Variants in CNTN1 observed in about 807,000 individuals in gnomAD.
The protein encoded by CNTN1 is contactin-1.
CNTN1 carries 38 observed loss-of-function variants against 126.4 expected under a neutral mutation model. The ratio of observed to expected loss-of-function variants is 0.30; its 90% CI spans 0.23 to 0.39. The LOEUF is 0.39. Among genes scored for constraint, CNTN1 ranks in the 10% least tolerant of loss-of-function variants. CNTN1 has a pLI of 1.00. For synonymous variants in CNTN1, 413 were observed against 422.6 expected, an observed-to-expected ratio of 0.98 and a Z score of 0.28; for missense variants, 1,009 against 1,248.4, an observed-to-expected ratio of 0.81 and a Z score of 2.89.
intron 1 of CNTN1, among the ~76,000 whole-genome samples, chr12:40,727,461 T>C (rs941772964): frequency 6.7e-6 from 1 of 149,640 alleles, no homozygotes; most frequent in Non-Finnish European, 1.5e-5. Context: ...AAAAGAATGG[T>C]CCTGAATGAG....
chr12:40,774,171 T>A (rs1939485899), intron 1 of CNTN1, among the ~76,000 whole-genome samples: 1 of 151,528 alleles, frequency 6.6e-6, no homozygotes, highest in Non-Finnish European at 1.5e-5. Flanking sequence ...GACGAGTTGA[T>A]CAGGGAAGAG....
chr12:40,718,101 C>T (rs900232808), intron 1 of CNTN1, among the ~76,000 whole-genome samples: 1 of 152,132 alleles, frequency 6.6e-6, no homozygotes, highest in Non-Finnish European at 1.5e-5. Flanking sequence ...AAGTAATGTG[C>T]ATTCTCATTT....
At chr12:40,729,534 A>G (rs1174265081) in intron 1 of CNTN1, 2 of 224,658 alleles carry the variant, frequency 8.9e-6, no homozygotes, top group Admixed American at 4.2e-5. Flanking sequence ...CAAGCCATCA[A>G]TGCAGTGAAA....
At chr12:40,993,452 T>C (rs538656748) in intron 17 of CNTN1, among the ~76,000 whole-genome samples, 183 bp downstream of exon 17, 32 of 152,048 alleles carry the variant, frequency 2.1e-4, no homozygotes, top group Non-Finnish European at 3.8e-4. Context: ...TTTAAGAATA[T>C]TTTAAGACAG....
intron 16 of CNTN1, among the ~76,000 whole-genome samples, chr12:40,992,495 A>T (rs1240112494): frequency 6.6e-6 from 1 of 152,054 alleles, no homozygotes; most frequent in East Asian, 1.9e-4. Context: ...CAATTAAATA[A>T]GCAAGCTAAG....
rs114898050 is a variant in CNTN1 at position 40,759,907 on chromosome 12, C to T, written c.-77+67315C>T. Among the ~76,000 whole-genome samples the T allele has an allele frequency of 5.7e-4, 86 of 151,556 alleles. 1 individual carries two copies. The highest frequency in any genetic ancestry group is 1.5e-3 in the African/African-American group (63 of 41,342). On this transcript the variant is annotated intron_variant, in intron 1 of 23. Coordinates refer to ENST00000551295, the MANE Select transcript of CNTN1 (RefSeq NM_001843.4). ...AGGAAGTCCTGTGATACTTTTATAA[C>T]GTCTTTCTGAGAACACAAGAGTAGG...
intron 1 of CNTN1, among the ~76,000 whole-genome samples, chr12:40,745,602 A>G (rs1462774820): frequency 6.6e-6 from 1 of 152,172 alleles, no homozygotes; most frequent in East Asian, 1.9e-4. Context: ...GGCAGGCTTC[A>G]GAGAGAATAG....
At chr12:41,016,583 T>A in intron 18 of CNTN1, 99 bp from the exon 19 acceptor site, 1 of 776,342 alleles carries the variant, frequency 1.3e-6, no homozygotes, top group Non-Finnish European at 2.3e-6. Context: ...TGTATGTTTT[T>A]ACAAAGAGCA....
At chr12:40,745,198 T>C (rs1938130852) in intron 1 of CNTN1, among the ~76,000 whole-genome samples, 1 of 152,178 alleles carries the variant, frequency 6.6e-6, no homozygotes, top group Admixed American at 6.6e-5. Flanking sequence ...GTTTCTCATT[T>C]TTCCTTATGT....
chr12:40,785,964 G>A (rs140803877), intron 1 of CNTN1, among the ~76,000 whole-genome samples: 4 of 152,162 alleles, frequency 2.6e-5, no homozygotes, highest in Admixed American at 6.6e-5. Flanking sequence ...ATTACATTTC[G>A]ACATGAGATT....
At chr12:40,793,477 A>C (rs1457434000) in intron 1 of CNTN1, among the ~76,000 whole-genome samples, 6 of 152,074 alleles carry the variant, frequency 3.9e-5, no homozygotes, top group Non-Finnish European at 8.8e-5. Flanking sequence ...AAAAAAAAAA[A>C]AAATCAGGTT....
At chr12:40,746,778 C>T (rs1038575682) in intron 1 of CNTN1, among the ~76,000 whole-genome samples, 5 of 151,938 alleles carry the variant, frequency 3.3e-5, no homozygotes, top group South Asian at 2.1e-4. Flanking sequence ...GGAATGCCCG[C>T]GGAAGGTCAT....
At position 41,000,978 on chromosome 12, in the gene CNTN1, G is replaced by A. The variant is rs925077515; in HGVS notation, c.2113+7709G>A. ...GTACATGGTCTTGTTCTTTTTTATG[G>A]CTGCATAGTATTCCATGGTGTATAT... is the stretch of plus-strand genomic sequence containing the variant. On this transcript the variant is annotated intron_variant, in intron 17 of 23. Coordinates refer to ENST00000551295, the MANE Select transcript of CNTN1 (RefSeq NM_001843.4). 3.3e-5 allele frequency among the ~76,000 whole-genome samples: 5 copies of A among 152,188 alleles called. No individual in the cohort carries two copies. The South Asian group carries it at 1.0e-3, about 32-fold the overall frequency.
In CNTN1 at chr12:40,801,010, G is replaced by GATTT. The variant is rs777712016; in HGVS notation, c.-76-107347_-76-107346insATTT. On this transcript the variant is annotated intron_variant, in intron 1 of 23. Transcript: ENST00000551295. ...GTGGGTAACAGCAGGTCAAACTAGA[G>GATTT]TTTTGTTTTTTTTTTTTTTAAGATA... Among the ~76,000 whole-genome samples the GATTT allele has an allele frequency of 2.6e-3, 366 of 142,790 alleles. 1 individual carries two copies. Among genetic ancestry groups the GATTT allele is most frequent in the African/African-American group, 8.5e-3 (324 of 37,988 alleles). 93.7% of individuals were successfully genotyped at this position (142,790 alleles called of 152,430 possible). A position where few individuals can be genotyped will look rare whatever the true frequency, so the allele number is the denominator to read the frequency against.
At chr12:41,020,490 G>T (rs376141398) in intron 20 of CNTN1, 50 bp downstream of exon 20, 1 of 1,181,390 alleles carries the variant, frequency 8.5e-7, no homozygotes, top group Non-Finnish European at 1.2e-6. Flanking sequence ...AAATATATAA[G>T]CATACGTTTT....
At chr12:40,942,584 A>G (rs1264089960) in intron 12 of CNTN1, among the ~76,000 whole-genome samples, 1 of 152,122 alleles carries the variant, frequency 6.6e-6, no homozygotes, top group Non-Finnish European at 1.5e-5. Context: ...GAATAAACAC[A>G]GTGATGGATT....
chr12:40,801,015 G>T (rs5005232), intron 1 of CNTN1, among the ~76,000 whole-genome samples: 110,638 of 143,356 alleles, frequency 0.77, 41,752 homozygotes, highest in East Asian at 0.84. Context: ...CTAGAGTTTT[G>T]TTTTTTTTTT....
At chr12:40,878,380 A>G (rs1565874372) in intron 1 of CNTN1, among the ~76,000 whole-genome samples, 1 of 149,936 alleles carries the variant, frequency 6.7e-6, no homozygotes, top group Non-Finnish European at 1.5e-5. Context: ...TACTAAACAT[A>G]TACAAAAACA....
Position 40,911,302 on chromosome 12 carries a change from A to G in CNTN1, c.94+1197A>G, listed in dbSNP as rs145885776. On this transcript the variant is annotated intron_variant, in intron 3 of 23. Transcript: ENST00000551295. Reference sequence around the variant, plus strand: ...TCACCATATTAGCCAGGATGGTCTCAATCTCCTGACCTCGTGATCCGCCCG... The same window carrying G: ...TCACCATATTAGCCAGGATGGTCTCGATCTCCTGACCTCGTGATCCGCCCG... 3.4e-3 allele frequency among the ~76,000 whole-genome samples: 510 copies of G among 152,084 alleles called. 8 individuals are homozygous for G. The highest frequency in any genetic ancestry group is 0.029 in the East Asian group (152 of 5,160).
Sources: gnomAD v4.1 joint callset for allele counts (sites outside exome capture counted in the v4.1 genomes callset) on GRCh38, gnomAD v4.1.1 for gene constraint, MANE v1.5 for transcripts, NCBI Gene and HGNC (gene_info 2026-07-23, HGNC 2026-07-21) for gene names.